APP: variants seen among roughly 807,000 people sequenced by gnomAD.
APP encodes amyloid beta precursor protein, also known as amyloid-beta precursor protein.
Under a neutral mutation model 101.4 loss-of-function variants are expected in APP, and 31 were observed. That is an observed-to-expected ratio of 0.31 (90% CI 0.23 to 0.41). The LOEUF (loss-of-function observed/expected upper bound fraction) is 0.41. Among genes scored for constraint, APP ranks in the 10% least tolerant of loss-of-function variants. The pLI is 1.00. For synonymous variants in APP, 366 were observed against 364.4 expected, an observed-to-expected ratio of 1.00 and a Z score of -0.05; for missense variants, 839 against 1,003.7, an observed-to-expected ratio of 0.84 and a Z score of 2.22.
At position 26,059,922 on chromosome 21, in the gene APP, A is replaced by AAG. The variant is rs1568924675; in HGVS notation, c.356-6576_356-6575dup. Among the ~76,000 whole-genome samples the AAG allele has an allele frequency of 8.2e-5, 11 of 133,748 alleles. 1 individual carries two copies. Among genetic ancestry groups the AAG allele is most frequent in the East Asian group, 2.2e-4 (1 of 4,454 alleles). 87.7% of individuals were successfully genotyped at this position (133,748 alleles called of 152,430 possible). On this transcript the variant is annotated intron_variant, in intron 3 of 17. Coordinates refer to ENST00000346798, the MANE Select transcript of APP (RefSeq NM_000484.4). ...AAAAAAAAAAAAAAAAAAAAAAAAA[A>AAG]AGAGAGGGTGAGACTGAGAGACTAT...
chr21:25,943,846 T>C lies in APP; in HGVS notation c.1687+10744A>G, dbSNP rs188528992. On this transcript the variant is annotated intron_variant, in intron 13 of 17. Coordinates refer to ENST00000346798, the MANE Select transcript of APP (RefSeq NM_000484.4). ...TCAGTGGTGATGATAAAGTTAGTTTTTATTTGACAAAATCTATTTGCTATC... is the reference window on the plus strand; with the variant it reads ...TCAGTGGTGATGATAAAGTTAGTTTCTATTTGACAAAATCTATTTGCTATC... Among the ~76,000 whole-genome samples the C allele has an allele frequency of 2.1e-3, 322 of 152,342 alleles. 1 individual carries two copies. The highest frequency in any genetic ancestry group is 3.5e-3 in the Non-Finnish European group (240 of 68,030).
intron 13 of APP, among the ~76,000 whole-genome samples, chr21:25,952,770 T>C (rs1232431256): frequency 2.1e-5 from 3 of 143,718 alleles, no homozygotes; most frequent in African/African-American, 8.7e-5. Context: ...AAACAAACCA[T>C]GTTTTCTAGA....
chr21:26,082,829 G>C (rs1275809107), intron 3 of APP, among the ~76,000 whole-genome samples: 4 of 151,804 alleles, frequency 2.6e-5, no homozygotes, highest in Non-Finnish European at 5.9e-5. Flanking sequence ...CACTGTGGGT[G>C]ATCAATAAAA....
At chr21:25,923,326 A>T in intron 13 of APP, among the ~76,000 whole-genome samples, 1 of 147,976 alleles carries the variant, frequency 6.8e-6, no homozygotes, top group South Asian at 2.1e-4. Flanking sequence ...GTGGGCAAGG[A>T]CTTCACGTCC....
At position 25,928,342 on chromosome 21, in the gene APP, A is replaced by AAAAGAAACAAAC. The variant is rs149506450; in HGVS notation, c.1688-16381_1688-16380insGTTTGTTTCTTT. 8.0e-5 allele frequency among the ~76,000 whole-genome samples: 12 copies of AAAAGAAACAAAC among 149,114 alleles called. No homozygotes were observed. In the East Asian group the frequency reaches 2.2e-3, roughly 27 times the overall value. ...GGGCGACAGAGCGAGACTCCATCTCAAAACAAACAAACAAACAAACAAACA... is the reference window on the plus strand; with the variant it reads ...GGGCGACAGAGCGAGACTCCATCTCAAAAGAAACAAACAAACAAACAAACAAACAAACAAACA... On this transcript the variant is annotated intron_variant, in intron 13 of 17. Transcript: ENST00000346798.
rs184497220 is a variant in APP at position 25,960,301 on chromosome 21, A to T, written c.1459-4546T>A. 5.9e-3 allele frequency among the ~76,000 whole-genome samples: 903 copies of T among 152,272 alleles called. 11 individuals are homozygous for T. Among genetic ancestry groups the T allele is most frequent in the African/African-American group, 0.021 (876 of 41,544 alleles). ...TCTAGGTGCTGGGGTGATTACTCTTATCTTGTCTCCTGCTAAATCAGGGAG... is the reference window on the plus strand; with the variant it reads ...TCTAGGTGCTGGGGTGATTACTCTTTTCTTGTCTCCTGCTAAATCAGGGAG... On this transcript the variant is annotated intron_variant, in intron 11 of 17. Transcript: ENST00000346798.
chr21:26,084,304 T>C (rs111747334), intron 3 of APP, among the ~76,000 whole-genome samples: 2 of 142,202 alleles, frequency 1.4e-5, no homozygotes, highest in Non-Finnish European at 3.0e-5. Flanking sequence ...AGTGGCGCGA[T>C]CTCGGCTCAC....
chr21:26,075,738 AAATG>A (rs1407866172), intron 3 of APP, among the ~76,000 whole-genome samples: 1 of 152,230 alleles, frequency 6.6e-6, no homozygotes, highest in Non-Finnish European at 1.5e-5. Flanking sequence ...AGAAATAATC[AAATG>A]AATTAATGTC....
At chr21:25,992,387 C>CAA (rs3084255) in intron 8 of APP, among the ~76,000 whole-genome samples, 4 of 131,790 alleles carry the variant, frequency 3.0e-5, no homozygotes, top group Non-Finnish European at 3.4e-5. Flanking sequence ...GACTCCATCT[C>CAA]AAAAAAAAAA....
rs1287749729 is a variant in APP, at chr21:26,053,623, T to C, written c.356-275A>G. The C allele has an allele frequency of 8.9e-6, 3 of 335,526 alleles. No individual in the cohort carries two copies. In the East Asian group the frequency reaches 1.9e-4, roughly 21 times the overall value. The allele number at this position is 335,526 out of a possible 1,614,324, so 20.8% of individuals were successfully genotyped here. A position where few individuals can be genotyped will look rare whatever the true frequency, so the allele number is the denominator to read the frequency against. On this transcript the variant is annotated intron_variant, in intron 3 of 17. Transcript: ENST00000346798. ...TCTGAATTTCTTGCTTCAAAATTAATCCTAAAAAAGCTGCTTAACTAGAGA... is the reference window on the plus strand; with the variant it reads ...TCTGAATTTCTTGCTTCAAAATTAACCCTAAAAAAGCTGCTTAACTAGAGA...
At chr21:25,964,902 C>T (rs2041733328) in intron 11 of APP, among the ~76,000 whole-genome samples, 1 of 152,134 alleles carries the variant, frequency 6.6e-6, no homozygotes, top group South Asian at 2.1e-4. Context: ...GCCTGGCTGA[C>T]CTTTTTACAA....
chr21:26,094,471 T>C (rs1482508902), intron 2 of APP, among the ~76,000 whole-genome samples: 1 of 151,334 alleles, frequency 6.6e-6, no homozygotes, highest in East Asian at 1.9e-4. Flanking sequence ...CAACAAAAAT[T>C]CCCAATATCA....
intron 5 of APP, among the ~76,000 whole-genome samples, chr21:26,023,373 TAA>T (rs35579863): frequency 2.6e-4 from 29 of 109,764 alleles, no homozygotes; most frequent in East Asian, 4.8e-4. Flanking sequence ...CCAAAAAAAT[TAA>T]AAAAAAAAAA....
chr21:25,946,694 A>AATAAAG (rs1221352910), intron 13 of APP, among the ~76,000 whole-genome samples: 2 of 152,172 alleles, frequency 1.3e-5, no homozygotes, highest in Non-Finnish European at 2.9e-5. Context: ...TAAAAATAAA[A>AATAAAG]ATAAAATTAA....
intron 2 of APP, among the ~76,000 whole-genome samples, chr21:26,096,882 G>A (rs1414341618): frequency 6.6e-6 from 1 of 152,214 alleles, no homozygotes; most frequent in Non-Finnish European, 1.5e-5. Flanking sequence ...GTTAGTCCAG[G>A]AAAGGAAAAC....
chr21:26,155,244 C>T (rs1277915897), intron 1 of APP, among the ~76,000 whole-genome samples: 2 of 151,834 alleles, frequency 1.3e-5, no homozygotes, highest in Admixed American at 1.3e-4. Flanking sequence ...CCTGGGCAAC[C>T]GACTGAGTGA....
At chr21:25,925,624 T>C (rs2039857639) in intron 13 of APP, among the ~76,000 whole-genome samples, 1 of 152,150 alleles carries the variant, frequency 6.6e-6, no homozygotes, top group African/African-American at 2.4e-5. Context: ...GCCTCGGTTA[T>C]CCCTTCATGA....
intron 3 of APP, among the ~76,000 whole-genome samples, chr21:26,068,492 C>T (rs1018831316): frequency 6.6e-6 from 1 of 151,940 alleles, no homozygotes; most frequent in Non-Finnish European, 1.5e-5. Flanking sequence ...TCCAAGTAGC[C>T]GGGACTACCG....
chr21:25,902,917 T>A (rs1412314134), intron 15 of APP, among the ~76,000 whole-genome samples: 1 of 152,164 alleles, frequency 6.6e-6, no homozygotes, highest in Non-Finnish European at 1.5e-5. Flanking sequence ...CCAAGTGACA[T>A]CATATTCTTA....
Sources: allele counts gnomAD v4.1 joint callset (sites outside exome capture counted in the v4.1 genomes callset), GRCh38; gene constraint gnomAD v4.1.1; transcripts MANE v1.5; gene names NCBI Gene and HGNC (gene_info 2026-07-23, HGNC 2026-07-21).